PAPPA2: variants seen among roughly 807,000 people sequenced by gnomAD.
PAPPA2 encodes pappalysin-2.
PAPPA2 carries 86 observed loss-of-function variants against 176.4 expected under a neutral mutation model. That is an observed-to-expected ratio of 0.49 (90% CI 0.41 to 0.58). The LOEUF (loss-of-function observed/expected upper bound fraction) is 0.58. Ranked by LOEUF, PAPPA2 falls within the 20% of genes least tolerant of loss-of-function variation. The pLI, the probability that PAPPA2 is intolerant of heterozygous loss-of-function variation, is 0.00. For synonymous variants in PAPPA2, 809 were observed against 852.2 expected (o/e 0.95, Z 0.88); for missense variants, 2,073 against 2,256.9 (o/e 0.92, Z 1.65).
rs373007309 is a variant in PAPPA2 at position 176,699,426 on chromosome 1, T to C, written c.3073T>C (p.Phe1025Leu). The change falls in exon 8 of 23, where the codon TTT becomes CTT. Residue 1025 changes from phenylalanine to leucine, a missense_variant. This residue lies in a region of PAPPA2 where 1,196 missense variants were observed against 1,330.4 expected (regional missense o/e 0.90). Coordinates refer to ENST00000367662, the MANE Select transcript of PAPPA2 (RefSeq NM_020318.3). ...GKVSGVKVYT[F>L]DERIEIDAAL... ...GGTGTCGGGGGTGAAAGTCTACACCTTTGATGAGAGGATAGAGATTGATGC... is the reference window on the plus strand; with the variant it reads ...GGTGTCGGGGGTGAAAGTCTACACCCTTGATGAGAGGATAGAGATTGATGC... 233 of 1,614,080 alleles carry C rather than the reference T, an allele frequency of 1.4e-4. 2 individuals carry two copies. In the Middle Eastern group the frequency reaches 5.9e-3, roughly 41 times the overall value.
chr1:176,801,249 G>A (rs1483406691), intron 21 of PAPPA2, among the ~76,000 whole-genome samples: 1 of 151,938 alleles, frequency 6.6e-6, no homozygotes, highest in African/African-American at 2.4e-5. Flanking sequence ...AGCAATCTTG[G>A]GTAATTATGG....
rs774781008 is a variant in PAPPA2 at position 176,740,132 on chromosome 1, A to C, written c.4087A>C (p.Ile1363Leu). 1.2e-6 allele frequency: 2 copies of C among 1,613,752 alleles called. No individual in the cohort carries two copies. Among genetic ancestry groups the C allele is most frequent in the Admixed American group, 3.3e-5 (2 of 59,956 alleles). ...SAVALRTSSRIGLSAPSNCIS... is the reference protein window; with the variant it reads ...SAVALRTSSRLGLSAPSNCIS... Reference sequence around the variant, plus strand: ...TGTGGCTCTAAGGACATCCTCCCGCATTGGTCTTTCGGCTCCCAGTAACTG... The same window carrying C: ...TGTGGCTCTAAGGACATCCTCCCGCCTTGGTCTTTCGGCTCCCAGTAACTG... Residue 1363 changes from isoleucine (I) to leucine (L), a missense_variant, in exon 14 of 23, where the codon ATT (isoleucine) becomes CTT (leucine). Ile to Leu is a conservative substitution (Grantham distance 5). Transcript: ENST00000367662.
At chr1:176,829,484 G>C (rs80121987) in intron 21 of PAPPA2, among the ~76,000 whole-genome samples, 3,222 of 152,300 alleles carry the variant, frequency 0.021, 113 homozygotes, top group African/African-American at 0.073. Context: ...CACGCATGCT[G>C]GGGCTGTGGT....
At chr1:176,796,788 GTCTT>G (rs1258116789) in intron 20 of PAPPA2, among the ~76,000 whole-genome samples, 3 of 112,048 alleles carry the variant, frequency 2.7e-5, no homozygotes, top group African/African-American at 1.1e-4. Flanking sequence ...CCTTCTTTCT[GTCTT>G]TCTTCCTCCC....
intron 3 of PAPPA2, among the ~76,000 whole-genome samples, chr1:176,632,780 G>A (rs913323884): frequency 2.0e-5 from 3 of 152,246 alleles, no homozygotes; most frequent in Non-Finnish European, 4.4e-5. Flanking sequence ...CAGGGTCCTA[G>A]GGCTCTTAGA....
At chr1:176,707,427 G>C (rs1436143183) in intron 10 of PAPPA2, among the ~76,000 whole-genome samples, 1 of 152,094 alleles carries the variant, frequency 6.6e-6, no homozygotes, top group African/African-American at 2.4e-5. Context: ...CATGTATTCT[G>C]TGCTTGTTGT....
intron 3 of PAPPA2, among the ~76,000 whole-genome samples, chr1:176,643,873 G>A (rs1657240738): frequency 6.6e-6 from 1 of 151,800 alleles, no homozygotes; most frequent in African/African-American, 2.4e-5. Context: ...CTGTCCTTCT[G>A]GAAGAGTAGA....
At chr1:176,755,363 G>A (rs1373007798) in intron 14 of PAPPA2, among the ~76,000 whole-genome samples, 1 of 152,146 alleles carries the variant, frequency 6.6e-6, no homozygotes, top group Admixed American at 6.5e-5. Flanking sequence ...CTTATGTATA[G>A]CCCACAGAGC....
intron 21 of PAPPA2, among the ~76,000 whole-genome samples, chr1:176,839,098 C>T (rs1439512534): frequency 1.3e-5 from 2 of 152,148 alleles, no homozygotes. Context: ...AACACATAAA[C>T]TGGAAGGTGG....
intron 2 of PAPPA2, among the ~76,000 whole-genome samples, chr1:176,581,346 C>G (rs1652947330): frequency 6.6e-6 from 1 of 152,122 alleles, no homozygotes; most frequent in Admixed American, 6.5e-5. Context: ...CAGTACAATG[C>G]TATTTTGGTT....
intron 21 of PAPPA2, among the ~76,000 whole-genome samples, chr1:176,835,591 C>T (rs1226859525): frequency 6.6e-6 from 1 of 152,216 alleles, no homozygotes; most frequent in Non-Finnish European, 1.5e-5. Flanking sequence ...ACAATCCTGA[C>T]TCACTGCAAC....
At chr1:176,763,943 A>G (rs1663812269) in intron 14 of PAPPA2, among the ~76,000 whole-genome samples, 1 of 152,224 alleles carries the variant, frequency 6.6e-6, no homozygotes, top group African/African-American at 2.4e-5. Flanking sequence ...ATGGTTCTAT[A>G]GTCTGGGAAG....
chr1:176,699,303 A>G lies in PAPPA2; in HGVS notation c.2950A>G (p.Thr984Ala). The G allele has an allele frequency of 6.2e-7, 1 of 1,614,118 alleles. No individual in the cohort carries two copies. Among genetic ancestry groups the G allele is most frequent in the Non-Finnish European group, 8.5e-7 (1 of 1,180,008 alleles). ...GGAGTCCTCGCAGGTCCTCTTTGAC[A>G]CAGAGATCTTGCTGGAAAACAAGGA... ...FMESSQVLFD[T>A]EILLENKESV... The change falls in exon 8 of 23, where the codon ACA becomes GCA. Residue 984 changes from threonine (T) to alanine (A), a missense_variant. This residue lies in a region of PAPPA2 where 1,196 missense variants were observed against 1,330.4 expected (regional missense o/e 0.90). Coordinates refer to ENST00000367662, the MANE Select transcript of PAPPA2 (RefSeq NM_020318.3).
intron 1 of PAPPA2, among the ~76,000 whole-genome samples, chr1:176,514,254 A>T (rs529138051): frequency 1.1e-4 from 16 of 152,136 alleles, no homozygotes; most frequent in Non-Finnish European, 2.1e-4. Flanking sequence ...TGAGAGAGGG[A>T]GCAAGAGAGA....
At chr1:176,700,448 G>C (rs1660600257) in intron 8 of PAPPA2, among the ~76,000 whole-genome samples, 1 of 152,198 alleles carries the variant, frequency 6.6e-6, no homozygotes, top group Non-Finnish European at 1.5e-5. Flanking sequence ...TATTTCTCAT[G>C]ATTCTATAGG....
chr1:176,810,335 G>A (rs1666094796), intron 21 of PAPPA2, among the ~76,000 whole-genome samples: 1 of 152,098 alleles, frequency 6.6e-6, no homozygotes, highest in Non-Finnish European at 1.5e-5. Context: ...ATGGTTTAGG[G>A]GGTCCCAACC....
chr1:176,831,963 A>G (rs1667095645), intron 21 of PAPPA2, among the ~76,000 whole-genome samples: 1 of 152,110 alleles, frequency 6.6e-6, no homozygotes, highest in African/African-American at 2.4e-5. Flanking sequence ...AGGTACATGC[A>G]TTGGTGGTAA....
intron 21 of PAPPA2, among the ~76,000 whole-genome samples, chr1:176,810,964 A>T (rs1231085677): frequency 6.6e-6 from 1 of 152,160 alleles, no homozygotes; most frequent in East Asian, 1.9e-4. Flanking sequence ...TTCATAATGA[A>T]ACCTGTTCAA....
chr1:176,824,893 A>G (rs1358790557), intron 21 of PAPPA2, among the ~76,000 whole-genome samples: 1 of 152,226 alleles, frequency 6.6e-6, no homozygotes, highest in Non-Finnish European at 1.5e-5. Flanking sequence ...GGGTCTGGGA[A>G]TGGTCTCTGG....
Sources: gnomAD v4.1 joint callset for allele counts (sites outside exome capture counted in the v4.1 genomes callset) on GRCh38, gnomAD v4.1.1 for gene constraint, gnomAD v4.1.1 regional missense constraint, MANE v1.5 for transcripts, NCBI Gene and HGNC (gene_info 2026-07-23, HGNC 2026-07-21) for gene names.